Variants in IRF2 observed in about 807,000 individuals in gnomAD.
IRF2 encodes the protein interferon regulatory factor 2.
A neutral mutation model predicts 40.6 loss-of-function variants in IRF2; 15 were observed. The observed-to-expected ratio is 0.37, with a 90% CI of 0.25 to 0.57. The LOEUF (loss-of-function observed/expected upper bound fraction) is 0.57, where lower values mean the gene tolerates loss of function less well. IRF2 is among the 20% of genes least tolerant of loss of function. IRF2 has a pLI of 0.77. For missense variants in IRF2, 317 were observed against 455.7 expected, an observed-to-expected ratio of 0.70 and a Z score of 2.77; for synonymous variants, 151 against 165.5, an observed-to-expected ratio of 0.91 and a Z score of 0.67.
chr4:184,401,192 G>A (rs918267232), intron 6 of IRF2, among the ~76,000 whole-genome samples: 10 of 152,222 alleles, frequency 6.6e-5, no homozygotes, highest in East Asian at 1.9e-4. Flanking sequence ...GGAGAGGCTC[G>A]TTTTAATCAC....
At chr4:184,431,360 C>A (rs893506752) in intron 1 of IRF2, among the ~76,000 whole-genome samples, 7 of 152,194 alleles carry the variant, frequency 4.6e-5, no homozygotes, top group African/African-American at 1.7e-4. Flanking sequence ...CATCTAGGAA[C>A]TCCCAACCTA....
chr4:184,427,297 A>C (rs560635843), intron 2 of IRF2, among the ~76,000 whole-genome samples: 1 of 152,328 alleles, frequency 6.6e-6, no homozygotes, highest in African/African-American at 2.4e-5. Flanking sequence ...CTTCATTTCT[A>C]TTTACTTAGT....
At chr4:184,400,616 T>C (rs1736631820) in intron 6 of IRF2, among the ~76,000 whole-genome samples, 1 of 152,260 alleles carries the variant, frequency 6.6e-6, no homozygotes, top group South Asian at 2.1e-4. Context: ...ATTTCATGTT[T>C]AATTTTACAA....
chr4:184,425,768 A>G (rs1016507580), intron 2 of IRF2, among the ~76,000 whole-genome samples: 1 of 152,242 alleles, frequency 6.6e-6, no homozygotes, highest in Admixed American at 6.5e-5. Flanking sequence ...CTGGTCCTGT[A>G]TCAGAAAAAC....
intron 1 of IRF2, among the ~76,000 whole-genome samples, chr4:184,450,762 A>G (rs1738685292): frequency 6.6e-6 from 1 of 151,774 alleles, no homozygotes; most frequent in Admixed American, 6.6e-5. Context: ...TTCTTTCTCC[A>G]TGACATTCTA....
chr4:184,388,890 G>A lies in IRF2; in HGVS notation c.918C>T (p.Pro306=). 4 of 1,614,008 alleles carry A rather than the reference G, an allele frequency of 2.5e-6. No individual in the cohort carries two copies. Among genetic ancestry groups the A allele is most frequent in the Non-Finnish European group, 3.4e-6 (4 of 1,180,002 alleles). The change falls in exon 9 of 9, where the codon CCC becomes CCT. Residue 306 remains proline (P), a synonymous_variant. Transcript: ENST00000393593. The surrounding 1 kb of genome is among the most constrained non-coding windows in gnomAD (Gnocchi z 4.6). Reference sequence around the variant, plus strand: ...AAGAAAGGGGGAGGTCTTGAAAAGGGGGCCAGGAGCTGTTGTAAGGCACCG... The same window carrying A: ...AAGAAAGGGGGAGGTCTTGAAAAGGAGGCCAGGAGCTGTTGTAAGGCACCG... The part of the protein sequence containing the change: ...SNPVPYNSSW[P]PFQDLPLSSS...
At chr4:184,458,867 T>G (rs1240571113) in intron 1 of IRF2, among the ~76,000 whole-genome samples, 1 of 152,228 alleles carries the variant, frequency 6.6e-6, no homozygotes, top group Non-Finnish European at 1.5e-5. Flanking sequence ...CTATGGCTCT[T>G]GTAAGAACAA....
At position 184,395,671 on chromosome 4, in the gene IRF2, G is replaced by A. The variant is rs73874625; in HGVS notation, c.694+3244C>T. ...CTGTGAGCTCTAGAACATCAGCAGC[G>A]ATGGAACATTTTGCCTCCAACCAGT... On this transcript the variant is annotated intron_variant, in intron 7 of 8. Transcript: ENST00000393593. 8.1e-3 allele frequency among the ~76,000 whole-genome samples: 1,227 copies of A among 152,294 alleles called. 11 individuals carry two copies. The highest frequency in any genetic ancestry group is 0.027 in the African/African-American group (1,128 of 41,556).
Position 184,388,442 on chromosome 4 carries a change from G to T in IRF2, c.*316C>A, listed in dbSNP as rs1156499983. 3 of 365,730 alleles carry T rather than the reference G, an allele frequency of 8.2e-6. No homozygotes were observed. Among genetic ancestry groups the T allele is most frequent in the Non-Finnish European group, 1.5e-5 (3 of 202,596 alleles). 22.7% of individuals were successfully genotyped at this position (365,730 alleles called of 1,614,324 possible). On this transcript the variant is annotated 3_prime_UTR_variant, in exon 9 of 9. Transcript: ENST00000393593. This position sits in a 1 kb window ranked among gnomAD's most constrained non-coding sequence, Gnocchi z 4.6. ...TAGTTCACATTATCTCGTCCGTTCT[G>T]AGGCATCCACTCCACCTTGCTGGCC...
intron 1 of IRF2, among the ~76,000 whole-genome samples, chr4:184,462,860 TG>T (rs1739193481): frequency 6.6e-6 from 1 of 152,234 alleles, no homozygotes. Flanking sequence ...CCACCCTTCC[TG>T]AGCTGGAATT....
At chr4:184,464,409 T>A (rs1035618732) in intron 1 of IRF2, among the ~76,000 whole-genome samples, 1 of 151,520 alleles carries the variant, frequency 6.6e-6, no homozygotes, top group South Asian at 2.1e-4. Context: ...ATGTATGGGA[T>A]ATGAATATAG....
At chr4:184,417,298 A>T (rs938170763) in intron 5 of IRF2, among the ~76,000 whole-genome samples, 2 of 152,214 alleles carry the variant, frequency 1.3e-5, no homozygotes, top group East Asian at 3.8e-4. Flanking sequence ...AATACAGTAC[A>T]ATATTTAAAT....
chr4:184,393,977 G>A (rs1736353592), intron 7 of IRF2, among the ~76,000 whole-genome samples: 3 of 152,176 alleles, frequency 2.0e-5, no homozygotes, highest in Admixed American at 2.0e-4. Context: ...CCAGATCAGT[G>A]TTACTATCGA....
In IRF2 at chr4:184,394,579, T is replaced by G. The variant is rs1233212466; in HGVS notation, c.695-3830A>C. ...TGCCCAACAAAATGCAAGCCTGGTG[T>G]GGTTTCCCGAAGGATTCAAAGCCTT... On this transcript the variant is annotated intron_variant, in intron 7 of 8. Transcript: ENST00000393593. Among the ~76,000 whole-genome samples, 4 of 152,304 alleles carry G rather than the reference T, an allele frequency of 2.6e-5. No individual in the cohort carries two copies. The East Asian group carries it at 7.7e-4, about 29-fold the overall frequency.
At chr4:184,406,001 T>C (rs1392559349) in intron 6 of IRF2, among the ~76,000 whole-genome samples, 1 of 152,098 alleles carries the variant, frequency 6.6e-6, no homozygotes, top group Non-Finnish European at 1.5e-5. Context: ...TGTTGTGGGT[T>C]CTGTGTCTGG....
At chr4:184,470,444 G>C (rs1193593298) in intron 1 of IRF2, among the ~76,000 whole-genome samples, 5 of 152,154 alleles carry the variant, frequency 3.3e-5, no homozygotes, top group Non-Finnish European at 7.3e-5. Context: ...ACTTCAGAAG[G>C]CTGAGGTGGG....
At chr4:184,390,517 G>C (rs533749008) in intron 8 of IRF2, among the ~76,000 whole-genome samples, 186 bp downstream of exon 8, 2 of 152,086 alleles carry the variant, frequency 1.3e-5, no homozygotes, top group East Asian at 3.8e-4. Context: ...TTCCAACGCC[G>C]AATTTTATAA....
At position 184,399,075 on chromosome 4, in the gene IRF2, T is replaced by C. The variant is rs201688327; in HGVS notation, c.534A>G (p.Val178=). ...TGTTGCTGTCCAGATGGGACTGTCC[T>C]ACAACTTCAAAGAAAAGACAGCCAT... is the stretch of plus-strand genomic sequence containing the variant. ...EVDSTVNIIV[V]GQSHLDSNIE... is the part of the protein sequence containing the mutation. Residue 178 remains valine, a synonymous_variant, in exon 7 of 9, where the codon GTA becomes GTG. Transcript: ENST00000393593. 2.5e-6 allele frequency: 4 copies of C among 1,586,706 alleles called. No individual in the cohort carries two copies. In the East Asian group the frequency reaches 9.0e-5, roughly 36 times the overall value.
chr4:184,436,125 C>T (rs542948410), intron 1 of IRF2, among the ~76,000 whole-genome samples: 9 of 152,066 alleles, frequency 5.9e-5, no homozygotes, highest in South Asian at 2.1e-4. Context: ...TACAGGTGCC[C>T]ACCACCATGC....
Sources: gnomAD v4.1 joint callset for allele counts (sites outside exome capture counted in the v4.1 genomes callset) on GRCh38, gnomAD v4.1.1 for gene constraint, Gnocchi (gnomAD v3.1) non-coding constraint, MANE v1.5 for transcripts, NCBI Gene and HGNC (gene_info 2026-07-23, HGNC 2026-07-21) for gene names.